RAP1GAP2: variants seen among roughly 807,000 people sequenced by gnomAD.
RAP1GAP2 encodes RAP1 GTPase activating protein 2, also known as rap1 GTPase-activating protein 2.
In RAP1GAP2, 27 loss-of-function variants were observed where a neutral mutation model predicts 95.0. The observed-to-expected ratio is 0.28, with a 90% CI of 0.21 to 0.39. RAP1GAP2 has a LOEUF of 0.39. Ranked by LOEUF, RAP1GAP2 falls within the 10% of genes least tolerant of loss-of-function variation. The probability of loss-of-function intolerance (pLI) is 1.00; values close to 1 mark genes in which losing one functional copy is unlikely to be tolerated. For missense variants in RAP1GAP2, 771 were observed against 970.0 expected (o/e 0.79, Z 2.72); for synonymous variants, 373 against 380.9 (o/e 0.98, Z 0.24).
At chr17:2,809,641 G>C (rs925503465) in intron 2 of RAP1GAP2, among the ~76,000 whole-genome samples, 1 of 152,234 alleles carries the variant, frequency 6.6e-6, no homozygotes, top group Non-Finnish European at 1.5e-5. Context: ...TCACGGTCCT[G>C]TGGAAGAGGC....
In RAP1GAP2 at chr17:3,005,732, A is replaced by G. The variant is rs1390865156; in HGVS notation, c.1273-223A>G. Among the ~76,000 whole-genome samples the G allele has an allele frequency of 6.6e-6, 1 of 152,172 alleles. No individual in the cohort carries two copies. The highest frequency in any genetic ancestry group is 2.4e-5 in the African/African-American group (1 of 41,444). ...GGAGCCTTGGGCAGGAATGAGCTCC[A>G]GTCGTGGAAGTGCCACTGTGGCTTC... On this transcript the variant is annotated intron_variant, in intron 15 of 24. Coordinates refer to ENST00000254695, the MANE Select transcript of RAP1GAP2 (RefSeq NM_015085.5). This position sits in a 1 kb window ranked among gnomAD's most constrained non-coding sequence, Gnocchi z 5.2.
intron 2 of RAP1GAP2, among the ~76,000 whole-genome samples, chr17:2,859,562 A>G (rs2072287999): frequency 6.6e-6 from 1 of 151,916 alleles, no homozygotes; most frequent in Non-Finnish European, 1.5e-5. Flanking sequence ...CAGCCTCCCA[A>G]GTAGCTGGGA....
chr17:2,852,633 T>C (rs1304963666), intron 2 of RAP1GAP2, among the ~76,000 whole-genome samples: 1 of 152,210 alleles, frequency 6.6e-6, no homozygotes, highest in Admixed American at 6.5e-5. Context: ...ACAAGGCAAA[T>C]TGCCTCAGGG....
intron 2 of RAP1GAP2, among the ~76,000 whole-genome samples, chr17:2,849,577 C>A (rs925567315): frequency 6.6e-6 from 1 of 152,176 alleles, no homozygotes; most frequent in Non-Finnish European, 1.5e-5. Context: ...TGATTAACTT[C>A]GCTGTCTCCC....
chr17:2,806,748 C>G (rs1258218161), intron 2 of RAP1GAP2, among the ~76,000 whole-genome samples: 2 of 150,660 alleles, frequency 1.3e-5, no homozygotes, highest in African/African-American at 4.9e-5. Flanking sequence ...GAGTCTCACT[C>G]TCTCTCAGGC....
intron 3 of RAP1GAP2, among the ~76,000 whole-genome samples, chr17:2,957,044 C>T (rs1283385877): frequency 2.6e-5 from 4 of 151,014 alleles, no homozygotes; most frequent in East Asian, 3.9e-4. Context: ...AGGAGAATGG[C>T]GTGAACCCGG....
intron 3 of RAP1GAP2, among the ~76,000 whole-genome samples, chr17:2,926,530 G>C (rs1312931450): frequency 6.6e-6 from 1 of 152,180 alleles, no homozygotes; most frequent in African/African-American, 2.4e-5. Context: ...GTGCCAGAGT[G>C]TCACAGTTCC....
At position 3,005,931 on chromosome 17, in the gene RAP1GAP2, T is replaced by G; in HGVS notation, c.1273-24T>G. 1.2e-6 allele frequency: 2 copies of G among 1,605,770 alleles called. No homozygotes were observed. The highest frequency in any genetic ancestry group is 1.7e-6 in the Non-Finnish European group (2 of 1,172,468). On this transcript the variant is annotated intron_variant, in intron 15 of 24. Coordinates refer to ENST00000254695, the MANE Select transcript of RAP1GAP2 (RefSeq NM_015085.5). This position sits in a 1 kb window ranked among gnomAD's most constrained non-coding sequence, Gnocchi z 5.2. ...TGGCAACAGCCGAGAGTGACAGACC[T>G]GAGGTCCGTCTTGTCTCTTCCAGGG...
chr17:2,981,425 C>T (rs576903611), intron 10 of RAP1GAP2, among the ~76,000 whole-genome samples, 177 bp downstream of exon 10: 1 of 152,298 alleles, frequency 6.6e-6, no homozygotes. Flanking sequence ...ACTGGGAACC[C>T]AACCTCAGCC....
rs920921369 is a variant in RAP1GAP2 at position 2,967,172 on chromosome 17, T to G, written c.596+1529T>G. ...TCACGAGGTCAGGAGATCGAGACCA[T>G]CCTGGCTAACACGGTGAAACCCCGT... is the stretch of plus-strand genomic sequence containing the variant. On this transcript the variant is annotated intron_variant, in intron 8 of 24. Transcript: ENST00000254695. Among the ~76,000 whole-genome samples the G allele has an allele frequency of 1.1e-4, 16 of 151,982 alleles. No homozygotes were observed. The South Asian group carries it at 2.3e-3, about 22-fold the overall frequency.
chr17:2,996,885 G>C (rs952621478), intron 13 of RAP1GAP2, among the ~76,000 whole-genome samples: 1 of 152,232 alleles, frequency 6.6e-6, no homozygotes, highest in Admixed American at 6.5e-5. Flanking sequence ...TCAGTGTGAA[G>C]GGACTGAGCA....
intron 3 of RAP1GAP2, among the ~76,000 whole-genome samples, chr17:2,951,965 C>T (rs563436456): frequency 1.8e-4 from 27 of 152,006 alleles, no homozygotes; most frequent in African/African-American, 6.3e-4. Flanking sequence ...ACCCAGGAGG[C>T]GGAGGTTGCA....
chr17:2,984,025 C>T (rs1424637819), intron 10 of RAP1GAP2, among the ~76,000 whole-genome samples: 1 of 152,186 alleles, frequency 6.6e-6, no homozygotes, highest in African/African-American at 2.4e-5. Context: ...GCAGCTCACT[C>T]AAAGCTACAT....
chr17:3,011,251 C>G (rs998875398), intron 17 of RAP1GAP2, among the ~76,000 whole-genome samples: 1 of 152,030 alleles, frequency 6.6e-6, no homozygotes, highest in Non-Finnish European at 1.5e-5. Flanking sequence ...TTTTTTCCCT[C>G]CCACCTGGGG....
At position 2,770,582 on chromosome 17, in the gene RAP1GAP2, T is replaced by C; in HGVS notation, c.167+137T>C. The C allele has an allele frequency of 7.6e-6, 3 of 396,878 alleles. No homozygotes were observed. The Admixed American group carries it at 1.3e-4, about 17-fold the overall frequency. The allele number at this position is 396,878 out of a possible 1,614,324, so 24.6% of individuals were successfully genotyped here. The stretch of plus-strand genomic sequence containing the variant: ...TTTGCCCTCAGTGATGGGGAGGCCT[T>C]CTAGGAAAGAATTTATCAGCCTGGA... On this transcript the variant is annotated intron_variant, in intron 2 of 25. Transcript: ENST00000637138.
intron 2 of RAP1GAP2, among the ~76,000 whole-genome samples, chr17:2,900,173 G>A (rs777464354): frequency 6.6e-6 from 1 of 152,208 alleles, no homozygotes; most frequent in African/African-American, 2.4e-5. Flanking sequence ...TGGCCCCAGA[G>A]CCACCTGCTG....
chr17:2,979,710 C>G (rs8064648), intron 8 of RAP1GAP2, among the ~76,000 whole-genome samples: 1 of 151,558 alleles, frequency 6.6e-6, no homozygotes, highest in Non-Finnish European at 1.5e-5. Flanking sequence ...CGTGATCCAC[C>G]CTCTTTGGCT....
chr17:2,993,092 G>A (rs923543452), intron 12 of RAP1GAP2, among the ~76,000 whole-genome samples: 1 of 150,740 alleles, frequency 6.6e-6, no homozygotes, highest in Admixed American at 6.6e-5. Flanking sequence ...CATGGTGGCA[G>A]GTGCCTGTCG....
At chr17:2,942,145 G>T (rs914541057) in intron 3 of RAP1GAP2, among the ~76,000 whole-genome samples, 1 of 152,106 alleles carries the variant, frequency 6.6e-6, no homozygotes, top group African/African-American at 2.4e-5. Context: ...ATTTGAATCA[G>T]GATTCATTCT....
Sources: allele counts gnomAD v4.1 joint callset (sites outside exome capture counted in the v4.1 genomes callset), GRCh38; gene constraint gnomAD v4.1.1; non-coding constraint Gnocchi (gnomAD v3.1); transcripts MANE v1.5; gene names NCBI Gene and HGNC (gene_info 2026-07-23, HGNC 2026-07-21).